Variants in CHST9 observed in about 807,000 individuals in gnomAD.
The protein encoded by CHST9 is GalNAc-4-sulfotransferase 2.
Under a neutral mutation model 44.4 loss-of-function variants are expected in CHST9, and 41 were observed. That is an observed-to-expected ratio of 0.92 (90% CI 0.72 to 1.20). The LOEUF is 1.20. CHST9 is among the 50% of genes most tolerant of loss of function. The probability of loss-of-function intolerance (pLI) is 0.00; values close to 1 mark genes in which losing one functional copy is unlikely to be tolerated. For missense variants in CHST9, 504 were observed against 516.5 expected (o/e 0.98, Z 0.23); for synonymous variants, 171 against 178.4 (o/e 0.96, Z 0.33).
chr18:27,143,818 GCATTAGGA>G (rs2058588941), intron 1 of CHST9, among the ~76,000 whole-genome samples: 1 of 152,094 alleles, frequency 6.6e-6, no homozygotes, highest in African/African-American at 2.4e-5. Context: ...GGGAGGGAGA[GCATTAGGA>G]CAAATACCTA....
chr18:26,942,899 A>T (rs920692786), intron 5 of CHST9, among the ~76,000 whole-genome samples: 1 of 152,046 alleles, frequency 6.6e-6, no homozygotes, highest in Non-Finnish European at 1.5e-5. Flanking sequence ...CATGAGGTCA[A>T]GAGATCAAGA....
intron 2 of CHST9, among the ~76,000 whole-genome samples, chr18:27,110,289 GTGA>G (rs753097060): frequency 2.4e-4 from 37 of 152,050 alleles, no homozygotes; most frequent in Non-Finnish European, 5.1e-4. Flanking sequence ...TCGTTTGCAT[GTGA>G]TGATTTTTTT....
At chr18:27,063,628 C>T (rs2057750091) in intron 2 of CHST9, among the ~76,000 whole-genome samples, 1 of 152,108 alleles carries the variant, frequency 6.6e-6, no homozygotes, top group Non-Finnish European at 1.5e-5. Context: ...GGAAATGGGT[C>T]ATTTCTATTC....
chr18:27,132,636 G>A (rs558803690), intron 2 of CHST9, among the ~76,000 whole-genome samples: 8 of 152,294 alleles, frequency 5.3e-5, no homozygotes, highest in African/African-American at 1.9e-4. Context: ...AGTGAAGAAG[G>A]ATTGCTCTGC....
rs550445161 is a variant in CHST9 at position 27,078,686 on chromosome 18, A to G, written c.122-30183T>C. ...CCCCAGAGCAGAGTCTTCTTGCACT[A>G]CATTGGACTGTCTCTTCCATCTCCA... On this transcript the variant is annotated intron_variant, in intron 2 of 5. Transcript: ENST00000618847. Among the ~76,000 whole-genome samples the G allele has an allele frequency of 8.5e-5, 13 of 152,200 alleles. No homozygotes were observed. In the East Asian group the frequency reaches 2.1e-3, roughly 25 times the overall value.
chr18:27,052,268 G>GTA (rs905874224), intron 2 of CHST9, among the ~76,000 whole-genome samples: 27 of 122,798 alleles, frequency 2.2e-4, no homozygotes, highest in Admixed American at 8.1e-5. Flanking sequence ...ATATATATGT[G>GTA]TATATATATG....
chr18:27,119,298 C>A (rs1230039173), intron 2 of CHST9, among the ~76,000 whole-genome samples: 1 of 152,146 alleles, frequency 6.6e-6, no homozygotes, highest in Non-Finnish European at 1.5e-5. Context: ...TTCTACATCA[C>A]TCAGCCACAT....
Position 26,915,156 on chromosome 18 carries a change from A to G in CHST9, c.*1103T>C. The G allele has an allele frequency of 5.1e-6, 2 of 392,388 alleles. No individual in the cohort carries two copies. Among genetic ancestry groups the G allele is most frequent in the Non-Finnish European group, 9.0e-6 (2 of 222,426 alleles). The allele number at this position is 392,388 out of a possible 1,614,324, so 24.3% of individuals were successfully genotyped here. Reference sequence around the variant, plus strand: ...TTTAAACTTAAAAAGAAAATACCTTAATTTACTTATGCATAAGCCTATTAA... The same window carrying G: ...TTTAAACTTAAAAAGAAAATACCTTGATTTACTTATGCATAAGCCTATTAA... On this transcript the variant is annotated 3_prime_UTR_variant, in exon 6 of 6. Transcript: ENST00000618847.
intron 2 of CHST9, among the ~76,000 whole-genome samples, chr18:27,124,805 C>T (rs573624553): frequency 1.3e-5 from 2 of 152,276 alleles, no homozygotes; most frequent in South Asian, 4.1e-4. Flanking sequence ...TGGGATGGGT[C>T]TAAAATGCAG....
chr18:27,072,709 T>C (rs1598699142), intron 2 of CHST9, among the ~76,000 whole-genome samples: 1 of 152,184 alleles, frequency 6.6e-6, no homozygotes, highest in South Asian at 2.1e-4. Context: ...AAAGGCTTTG[T>C]TGCTCCAGTA....
At chr18:26,998,739 CAAA>C (rs11480705) in intron 4 of CHST9, among the ~76,000 whole-genome samples, 7 of 114,094 alleles carry the variant, frequency 6.1e-5, no homozygotes, top group Non-Finnish European at 7.5e-5. Flanking sequence ...ACAACAACAA[CAAA>C]AAAAAAAAAA....
intron 5 of CHST9, among the ~76,000 whole-genome samples, chr18:26,931,004 C>T (rs1393885077): frequency 6.6e-6 from 1 of 152,088 alleles, no homozygotes; most frequent in African/African-American, 2.4e-5. Context: ...TAGTCCAAAG[C>T]CACTTGAGCC....
intron 2 of CHST9, among the ~76,000 whole-genome samples, chr18:27,116,627 A>C (rs1893542559): frequency 6.6e-6 from 1 of 152,106 alleles, no homozygotes; most frequent in Non-Finnish European, 1.5e-5. Context: ...CAATTTTGGC[A>C]AAAAAGGCAG....
At chr18:27,182,099 T>C (rs760626142) in intron 1 of CHST9, among the ~76,000 whole-genome samples, 2 of 150,236 alleles carry the variant, frequency 1.3e-5, no homozygotes, top group African/African-American at 2.5e-5. Flanking sequence ...TAAATAACCA[T>C]GATTTTACAT....
intron 2 of CHST9, among the ~76,000 whole-genome samples, chr18:27,068,393 T>C (rs748598241): frequency 4.6e-5 from 7 of 152,192 alleles, no homozygotes; most frequent in Non-Finnish European, 1.0e-4. Context: ...GTTCTTTGTT[T>C]CTAGTTCTTG....
intron 4 of CHST9, among the ~76,000 whole-genome samples, chr18:26,956,326 A>ATATAT (rs1555671796): frequency 4.8e-5 from 6 of 125,712 alleles, no homozygotes; most frequent in African/African-American, 1.6e-4. Flanking sequence ...AAAAAAAAAA[A>ATATAT]ATATATATAT....
chr18:27,030,813 G>C (rs1330003151), intron 3 of CHST9, among the ~76,000 whole-genome samples: 1 of 152,196 alleles, frequency 6.6e-6, no homozygotes, highest in African/African-American at 2.4e-5. Flanking sequence ...ATTCTTCAGC[G>C]ATCTCATGGG....
intron 2 of CHST9, among the ~76,000 whole-genome samples, chr18:27,117,314 T>C (rs2058333660): frequency 6.6e-6 from 1 of 152,088 alleles, no homozygotes; most frequent in Non-Finnish European, 1.5e-5. Flanking sequence ...AGAATTTCCA[T>C]ATACCCCCTG....
chr18:27,025,789 T>A (rs982846289), intron 3 of CHST9, among the ~76,000 whole-genome samples: 1 of 152,164 alleles, frequency 6.6e-6, no homozygotes, highest in Non-Finnish European at 1.5e-5. Flanking sequence ...ACCCAGGTAA[T>A]GGTAGCATGA....
Sources: allele counts gnomAD v4.1 joint callset (sites outside exome capture counted in the v4.1 genomes callset), GRCh38; gene constraint gnomAD v4.1.1; transcripts MANE v1.5; gene names NCBI Gene and HGNC (gene_info 2026-07-23, HGNC 2026-07-21).